GALNT13: variants seen among roughly 807,000 people sequenced by gnomAD.
GALNT13 encodes UDP-GalNAc:polypeptide N-acetylgalactosaminyltransferase 13.
Under a neutral mutation model 64.2 loss-of-function variants are expected in GALNT13, and 28 were observed. The ratio of observed to expected loss-of-function variants is 0.44; its 90% confidence interval spans 0.32 to 0.60. The LOEUF is 0.60. GALNT13 is among the 20% of genes least tolerant of loss of function. The pLI, the probability that GALNT13 is intolerant of heterozygous loss-of-function variation, is 0.05. For missense variants in GALNT13, 577 were observed against 669.8 expected (o/e 0.86, Z 1.53); for synonymous variants, 214 against 224.6 (o/e 0.95, Z 0.42).
intron 8 of GALNT13, among the ~76,000 whole-genome samples, chr2:154,274,333 G>A (rs1691519351): frequency 6.6e-6 from 1 of 152,094 alleles, no homozygotes; most frequent in Admixed American, 6.6e-5. Flanking sequence ...AAAAATTTAA[G>A]GGTATATGTA....
chr2:154,429,789 A>G (rs1264047678), intron 11 of GALNT13, among the ~76,000 whole-genome samples: 3 of 152,182 alleles, frequency 2.0e-5, no homozygotes, highest in Non-Finnish European at 4.4e-5. Context: ...CTTGTTAGGA[A>G]AAATATAGCG....
At chr2:154,426,043 G>A (rs62172354) in intron 11 of GALNT13, among the ~76,000 whole-genome samples, 7,968 of 152,232 alleles carry the variant, frequency 0.052, 258 homozygotes, top group Middle Eastern at 0.088. Flanking sequence ...AGGAATTCAG[G>A]CACAATGTGG....
chr2:153,473,294 GAT>G, the GALNT13 span, among the ~76,000 whole-genome samples: 1 of 152,026 alleles, frequency 6.6e-6, no homozygotes, highest in Non-Finnish European at 1.5e-5. Context: ...CAAAAAATAA[GAT>G]GTATACATAT....
chr2:153,665,515 A>G, the GALNT13 span, among the ~76,000 whole-genome samples: 1 of 152,160 alleles, frequency 6.6e-6, no homozygotes. Flanking sequence ...CATAGAATGT[A>G]TTAATTCTAG....
the GALNT13 span, among the ~76,000 whole-genome samples, chr2:153,704,259 A>G: frequency 1.3e-5 from 2 of 152,316 alleles, no homozygotes; most frequent in South Asian, 4.1e-4. Context: ...ACAAAAATGT[A>G]TGATTAAATG....
chr2:154,270,292 A>G (rs1056367815), intron 8 of GALNT13, among the ~76,000 whole-genome samples: 2 of 151,892 alleles, frequency 1.3e-5, no homozygotes, highest in Non-Finnish European at 2.9e-5. Context: ...TAAACATTCA[A>G]TTTGGAGACA....
chr2:154,095,347 A>G (rs1250073356), intron 3 of GALNT13, among the ~76,000 whole-genome samples: 1 of 151,868 alleles, frequency 6.6e-6, no homozygotes, highest in Admixed American at 6.6e-5. Flanking sequence ...ATTTACATAG[A>G]ATAATATATG....
At chr2:153,167,407 A>C in the GALNT13 span, among the ~76,000 whole-genome samples, 1 of 152,238 alleles carries the variant, frequency 6.6e-6, no homozygotes, top group African/African-American at 2.4e-5. Context: ...TTGAACGTGT[A>C]GTAGCAACCA....
intron 4 of GALNT13, among the ~76,000 whole-genome samples, chr2:154,206,996 C>T (rs1687496374): frequency 6.6e-6 from 1 of 152,136 alleles, no homozygotes; most frequent in Admixed American, 6.6e-5. Context: ...TTTCAACAAT[C>T]TCCTGTTATC....
chr2:153,316,109 GA>G, the GALNT13 span, among the ~76,000 whole-genome samples: 4 of 147,926 alleles, frequency 2.7e-5, no homozygotes, highest in Admixed American at 6.7e-5. Context: ...CAAAAGGACT[GA>G]AAAAAAAGAA....
chr2:154,089,424 T>A lies in GALNT13; in HGVS notation c.143-50913T>A, dbSNP rs149085695. ...GTGATCGGGGCCCGCCCATTCGTTT[T>A]CTTGGCTTGCCATACCTGGAGTAGA... is the stretch of plus-strand genomic sequence containing the variant. On this transcript the variant is annotated intron_variant, in intron 3 of 12. Transcript: ENST00000392825. Among the ~76,000 whole-genome samples the A allele has an allele frequency of 7.5e-3, 1,142 of 152,194 alleles. 13 individuals carry two copies. The highest frequency in any genetic ancestry group is 0.025 in the African/African-American group (1,054 of 41,554).
the GALNT13 span, among the ~76,000 whole-genome samples, chr2:153,504,644 T>C: frequency 6.6e-6 from 1 of 152,324 alleles, no homozygotes; most frequent in African/African-American, 2.4e-5. Flanking sequence ...GAGATGATCA[T>C]ATGATTTTTG....
chr2:153,684,842 C>T, the GALNT13 span, among the ~76,000 whole-genome samples: 2 of 151,726 alleles, frequency 1.3e-5, no homozygotes, highest in African/African-American at 2.4e-5. Context: ...GTGTGTTGTT[C>T]CCCTCTATGT....
At chr2:153,233,212 A>G in the GALNT13 span, among the ~76,000 whole-genome samples, 1 of 152,180 alleles carries the variant, frequency 6.6e-6, no homozygotes, top group South Asian at 2.1e-4. Flanking sequence ...TTATTGCAAA[A>G]TCAGAAGTTG....
At chr2:153,780,224 T>TGC in the GALNT13 span, among the ~76,000 whole-genome samples, 2 of 6,010 alleles carry the variant, frequency 3.3e-4, no homozygotes, top group Non-Finnish European at 3.0e-3. Context: ...GATATATATA[T>TGC]ATATATATAT....
intron 9 of GALNT13, among the ~76,000 whole-genome samples, chr2:154,389,832 G>A (rs1698700875): frequency 6.6e-6 from 1 of 152,042 alleles, no homozygotes; most frequent in Non-Finnish European, 1.5e-5. Context: ...TTATGTGTAG[G>A]GAAAACAGGA....
At chr2:153,827,633 A>G in the GALNT13 span, among the ~76,000 whole-genome samples, 1 of 151,900 alleles carries the variant, frequency 6.6e-6, no homozygotes, top group Non-Finnish European at 1.5e-5. Context: ...CCCAAAAAAA[A>G]AAAAAAAAAA....
chr2:153,900,774 G>C (rs551512357), intron 1 of GALNT13, among the ~76,000 whole-genome samples, 162 bp from the exon 2 acceptor site: 4 of 152,116 alleles, frequency 2.6e-5, no homozygotes, highest in African/African-American at 9.6e-5. Flanking sequence ...GAATACTTCT[G>C]TTCATCAGCC....
intron 4 of GALNT13, among the ~76,000 whole-genome samples, chr2:154,155,014 A>G (rs1021694984): frequency 6.6e-6 from 1 of 151,816 alleles, no homozygotes; most frequent in African/African-American, 2.4e-5. Context: ...CACTTTTAAT[A>G]TGGATAGTAG....
Sources: allele counts gnomAD v4.1 joint callset (sites outside exome capture counted in the v4.1 genomes callset), GRCh38; gene constraint gnomAD v4.1.1; transcripts MANE v1.5; gene names NCBI Gene and HGNC (gene_info 2026-07-23, HGNC 2026-07-21).